RIF1: variants seen among roughly 807,000 people sequenced by gnomAD.
RIF1 encodes replication timing regulatory factor 1.
A neutral mutation model predicts 247.1 loss-of-function variants in RIF1; 45 were observed. That is an observed-to-expected ratio of 0.18 (90% CI 0.14 to 0.23). The LOEUF is 0.23. RIF1 is among the 10% of genes least tolerant of loss of function. The pLI, the probability that RIF1 is intolerant of heterozygous loss-of-function variation, is 1.00. For synonymous variants in RIF1, 1,087 were observed against 978.8 expected, an observed-to-expected ratio of 1.11 and a Z score of -2.06; for missense variants, 2,967 against 2,862.5, an observed-to-expected ratio of 1.04 and a Z score of -0.83.
In RIF1 at chr2:151,417,176, T is replaced by G. The variant is rs1260979734; in HGVS notation, c.503+275T>G. Among the ~76,000 whole-genome samples the G allele has an allele frequency of 2.0e-5, 3 of 152,214 alleles. No homozygotes were observed. In the East Asian group the frequency reaches 5.8e-4, roughly 29 times the overall value. On this transcript the variant is annotated intron_variant, in intron 6 of 35. Transcript: ENST00000444746. ...CACAGTTCAGGTTTGAAAAATATCT[T>G]AAAGTTTGTGTAAGGATTTAAAAAA... is the stretch of plus-strand genomic sequence containing the variant.
chr2:151,526,889 A>T, the RIF1 span: 3 of 1,439,798 alleles, frequency 2.1e-6, no homozygotes, highest in Non-Finnish European at 2.9e-6. Context: ...GAGTGAGGTT[A>T]GGCATCATGG....
downstream of RIF1, among the ~76,000 whole-genome samples, chr2:151,484,535 G>T (rs1252615130): frequency 6.6e-6 from 1 of 152,244 alleles, no homozygotes; most frequent in Non-Finnish European, 1.5e-5. Context: ...GGGAGAGGTT[G>T]CAGTGAGTAG....
At chr2:151,445,253 C>A in intron 18 of RIF1, 85 bp from the exon 19 acceptor site, 1 of 815,270 alleles carries the variant, frequency 1.2e-6, no homozygotes. Flanking sequence ...ACAGTTTTGC[C>A]CACTACTTAT....
At chr2:151,508,078 A>G (rs536677256), downstream of RIF1, 30 of 1,609,832 alleles carry the variant, frequency 1.9e-5, no homozygotes, top group East Asian at 6.2e-4. Context: ...ATAATACGAC[A>G]TGGACTTCTC....
the RIF1 span, chr2:151,526,801 T>C: frequency 1.3e-6 from 1 of 777,678 alleles, no homozygotes; most frequent in Non-Finnish European, 2.2e-6. Flanking sequence ...TCAGGACCCA[T>C]ACCTGAGCCC....
chr2:151,411,283 A>G lies in RIF1; in HGVS notation c.128A>G (p.Lys43Arg), dbSNP rs778473583. 3.1e-6 allele frequency: 5 copies of G among 1,605,044 alleles called. No individual in the cohort carries two copies. Among genetic ancestry groups the G allele is most frequent in the Admixed American group, 1.7e-5 (1 of 59,248 alleles). Residue 43 changes from lysine (K) to arginine (R), a missense_variant, in exon 3 of 36, where the codon AAA (lysine) becomes AGA (arginine). Physicochemically the swap from Lys to Arg is conservative, Grantham distance 26. Around this residue, in one of 7 missense-constraint regions of RIF1, gnomAD observed 269 missense variants for 288.6 expected, o/e 0.93. Coordinates refer to ENST00000444746, the MANE Select transcript of RIF1 (RefSeq NM_018151.5). ...AGTCGTATGACTGGAGAAGAAGGAA[A>G]AGAAGTAATTACAGAAATTGAGAAA... ...LTSRMTGEEG[K>R]EVITEIEKKL...
At chr2:151,486,007 A>G, downstream of RIF1, 8 of 1,464,378 alleles carry the variant, frequency 5.5e-6, no homozygotes, top group Non-Finnish European at 7.5e-6. Flanking sequence ...TATTTGTAAG[A>G]TCTCTCATGA....
rs1405333453 is a variant in RIF1, at chr2:151,476,872, ATTACT to A, written c.*1805_*1809del. On this transcript the variant is annotated 3_prime_UTR_variant, in exon 36 of 36. Transcript: ENST00000444746. ...ATGTGTTTGGGGCAGAGGGGAGCAGATTACTTTAACACACTTCAGAATTAAAATCA... is the reference window on the plus strand; with the variant it reads ...ATGTGTTTGGGGCAGAGGGGAGCAGATTAACACACTTCAGAATTAAAATCA... 3 of 152,330 alleles carry A rather than the reference ATTACT, an allele frequency of 2.0e-5. No individual in the cohort carries two copies. The highest frequency in any genetic ancestry group is 2.1e-4 in the South Asian group (1 of 4,822). The allele number at this position is 152,330 out of a possible 1,614,324, so 9.4% of individuals were successfully genotyped here.
intron 33 of RIF1, among the ~76,000 whole-genome samples, 162 bp from the exon 34 acceptor site, chr2:151,469,549 T>G (rs926851503): frequency 2.6e-5 from 4 of 152,136 alleles, no homozygotes; most frequent in African/African-American, 9.7e-5. Context: ...ACACATCAGA[T>G]TCGAATTTTG....
chr2:151,461,062 A>G lies in RIF1; in HGVS notation c.3076-76A>G, dbSNP rs1696081033. On this transcript the variant is annotated intron_variant, in intron 26 of 35. Transcript: ENST00000444746. ...ACTATTGAAAAATGGTGTCATTATTAGAGGAGAGTGATAGAAATATTGGAA... is the reference window on the plus strand; with the variant it reads ...ACTATTGAAAAATGGTGTCATTATTGGAGGAGAGTGATAGAAATATTGGAA... 5 of 1,320,814 alleles carry G rather than the reference A, an allele frequency of 3.8e-6. No individual in the cohort carries two copies. In the African/African-American group the frequency reaches 7.4e-5, roughly 20 times the overall value. 81.8% of individuals were successfully genotyped at this position (1,320,814 alleles called of 1,614,324 possible). A position where few individuals can be genotyped will look rare whatever the true frequency, so the allele number is the denominator to read the frequency against.
At chr2:151,461,815 G>T (rs978683978) in intron 27 of RIF1, among the ~76,000 whole-genome samples, 1 of 152,054 alleles carries the variant, frequency 6.6e-6, no homozygotes, top group Non-Finnish European at 1.5e-5. Flanking sequence ...TGGGAAATAC[G>T]CATTTAGGTC....
chr2:151,500,960 T>G (rs887851345), intron 11 of RIF1, among the ~76,000 whole-genome samples: 2 of 152,192 alleles, frequency 1.3e-5, no homozygotes, highest in African/African-American at 4.8e-5. Flanking sequence ...CTATTGTTTA[T>G]CTGAATAGGG....
the RIF1 span, among the ~76,000 whole-genome samples, chr2:151,522,678 A>G: frequency 3.8e-4 from 58 of 152,372 alleles, no homozygotes; most frequent in African/African-American, 1.3e-3. Flanking sequence ...ATGCCAAGAA[A>G]GTAGACAAGA....
intron 9 of RIF1, among the ~76,000 whole-genome samples, chr2:151,430,667 T>A (rs1043986212): frequency 8.6e-5 from 13 of 151,834 alleles, no homozygotes; most frequent in Admixed American, 5.2e-4. Context: ...GGGGCATAGT[T>A]TCCCCCCCTC....
intron 10 of RIF1, chr2:151,498,489 A>G (rs1575075918): frequency 8.0e-6 from 5 of 625,976 alleles, no homozygotes; most frequent in East Asian, 5.5e-5. Flanking sequence ...TTTAGACTCA[A>G]CCTGTTTGTT....
intron 25 of RIF1, 111 bp downstream of exon 25, chr2:151,459,021 T>C (rs1236568016): frequency 1.6e-6 from 1 of 618,554 alleles, no homozygotes; most frequent in Non-Finnish European, 2.8e-6. Flanking sequence ...ATAGGCTTTT[T>C]CCACATTGTC....
chr2:151,518,696 C>T, the RIF1 span, among the ~76,000 whole-genome samples: 2 of 152,088 alleles, frequency 1.3e-5, no homozygotes, highest in Admixed American at 6.6e-5. Flanking sequence ...GAGGGTATTT[C>T]TATGTCCTTA....
the RIF1 span, chr2:151,519,919 A>C: frequency 1.1e-5 from 6 of 549,574 alleles, no homozygotes; most frequent in Non-Finnish European, 1.9e-5. Flanking sequence ...AGAGTAAAGA[A>C]GACACTATTA....
intron 25 of RIF1, among the ~76,000 whole-genome samples, chr2:151,459,377 A>G (rs1297600636): frequency 6.6e-6 from 1 of 152,246 alleles, no homozygotes; most frequent in African/African-American, 2.4e-5. Flanking sequence ...AGGCACGGGT[A>G]CTATAGACTT....
Sources: gnomAD v4.1 joint callset for allele counts (sites outside exome capture counted in the v4.1 genomes callset) on GRCh38, gnomAD v4.1.1 for gene constraint, gnomAD v4.1.1 regional missense constraint, MANE v1.5 for transcripts, NCBI Gene and HGNC (gene_info 2026-07-23, HGNC 2026-07-21) for gene names.